Variants in GALNTL6 observed in about 807,000 individuals in gnomAD.
The protein encoded by GALNTL6 is polypeptide N-acetylgalactosaminyltransferase like 6, also known as polypeptide N-acetylgalactosaminyltransferase-like 6.
GALNTL6 carries 46 observed loss-of-function variants against 73.7 expected under a neutral mutation model. The observed-to-expected ratio is 0.62, with a 90% CI of 0.49 to 0.80. The LOEUF (loss-of-function observed/expected upper bound fraction) is 0.80, where lower values mean the gene tolerates loss of function less well. GALNTL6 is among the 30% of genes least tolerant of loss of function. GALNTL6 has a pLI of 0.00. For synonymous variants in GALNTL6, 259 were observed against 263.7 expected, an observed-to-expected ratio of 0.98 and a Z score of 0.17; for missense variants, 604 against 755.0, an observed-to-expected ratio of 0.80 and a Z score of 2.34.
At position 172,638,242 on chromosome 4, in the gene GALNTL6, A is replaced by G. The variant is rs115987873; in HGVS notation, c.554-171119A>G. Among the ~76,000 whole-genome samples the G allele has an allele frequency of 3.3e-3, 499 of 152,274 alleles. 3 individuals are homozygous for G. The highest frequency in any genetic ancestry group is 0.011 in the African/African-American group (475 of 41,556). On this transcript the variant is annotated intron_variant, in intron 5 of 12. Transcript: ENST00000506823. Reference sequence around the variant, plus strand: ...TATGGCCTCTCTCCATTGCTGTCCAACAAGGAGACAAGTATTGCAGACAAG... The same window carrying G: ...TATGGCCTCTCTCCATTGCTGTCCAGCAAGGAGACAAGTATTGCAGACAAG...
intron 3 of GALNTL6, among the ~76,000 whole-genome samples, chr4:172,289,055 C>T (rs17058235): frequency 0.22 from 33,230 of 151,592 alleles, 4,643 homozygotes; most frequent in African/African-American, 0.4. Context: ...ATATTTGAAT[C>T]GTCTTATTTG....
chr4:171,907,803 A>G (rs1578960959), intron 2 of GALNTL6, among the ~76,000 whole-genome samples: 2 of 151,858 alleles, frequency 1.3e-5, no homozygotes, highest in East Asian at 3.9e-4. Context: ...AGAGATATAG[A>G]TCAATGGAAC....
intron 5 of GALNTL6, among the ~76,000 whole-genome samples, chr4:172,398,328 T>G (rs1030855144): frequency 6.6e-6 from 1 of 152,194 alleles, no homozygotes; most frequent in Non-Finnish European, 1.5e-5. Context: ...TAAGAAGATA[T>G]GAGGGCTACT....
chr4:172,458,530 A>G (rs1254595274), intron 5 of GALNTL6, among the ~76,000 whole-genome samples: 2 of 152,102 alleles, frequency 1.3e-5, no homozygotes, highest in Non-Finnish European at 2.9e-5. Flanking sequence ...TAAAAATGAT[A>G]AAGGGGATAT....
At chr4:172,724,090 A>AGTGTG (rs1735655689) in intron 5 of GALNTL6, among the ~76,000 whole-genome samples, 3 of 152,168 alleles carry the variant, frequency 2.0e-5, no homozygotes, top group Non-Finnish European at 4.4e-5. Flanking sequence ...ATGTGGGAGC[A>AGTGTG]GTGTGATATC....
rs1161493738 is a variant in GALNTL6 at position 173,009,198 on chromosome 4, T to C, written c.1392T>C (p.Asn464=). ...CACAGATCCGAAATGTGGCAGCAAA[T>C]CTCTGTGTGGACAGCAAGCATGGAG... ...AWGEIRNVAA[N]LCVDSKHGAT... The change falls in exon 11 of 13, where the codon AAT becomes AAC. Residue 464 remains asparagine (N), a synonymous_variant. Coordinates refer to ENST00000506823, the MANE Select transcript of GALNTL6 (RefSeq NM_001034845.3). 1 of 1,613,678 alleles carries C rather than the reference T, an allele frequency of 6.2e-7. No homozygotes were observed. Among genetic ancestry groups the C allele is most frequent in the East Asian group, 2.2e-5 (1 of 44,872 alleles).
chr4:172,313,417 C>G (rs945796004), intron 4 of GALNTL6, among the ~76,000 whole-genome samples: 1 of 152,102 alleles, frequency 6.6e-6, no homozygotes. Context: ...CCACCGTGCC[C>G]GGTCCCCACC....
intron 5 of GALNTL6, among the ~76,000 whole-genome samples, chr4:172,593,519 C>T (rs1157374598): frequency 3.3e-5 from 5 of 152,050 alleles, no homozygotes; most frequent in African/African-American, 4.8e-5. Context: ...ATTTCTTCAC[C>T]GACCACTCTA....
intron 5 of GALNTL6, among the ~76,000 whole-genome samples, chr4:172,453,643 C>A (rs535934021): frequency 3.9e-4 from 59 of 152,220 alleles, no homozygotes; most frequent in Non-Finnish European, 7.5e-4. Context: ...TTGTCATGAG[C>A]TGTACAAAAG....
At chr4:171,960,961 T>G (rs1242567716) in intron 2 of GALNTL6, among the ~76,000 whole-genome samples, 1 of 152,046 alleles carries the variant, frequency 6.6e-6, no homozygotes, top group Non-Finnish European at 1.5e-5. Flanking sequence ...TATTCTTTCT[T>G]AATAAACTTG....
intron 5 of GALNTL6, among the ~76,000 whole-genome samples, chr4:172,712,931 A>G (rs1340480391): frequency 6.6e-6 from 1 of 152,188 alleles, no homozygotes; most frequent in Non-Finnish European, 1.5e-5. Flanking sequence ...GACCTTGAGC[A>G]GATTATATAA....
intron 4 of GALNTL6, among the ~76,000 whole-genome samples, chr4:172,342,666 A>C (rs1482327334): frequency 6.6e-6 from 1 of 152,098 alleles, no homozygotes; most frequent in Non-Finnish European, 1.5e-5. Flanking sequence ...AAGAAATTGA[A>C]TCTCTTTCAT....
chr4:172,809,310 C>A lies in GALNTL6; in HGVS notation c.554-51C>A, dbSNP rs1181434866. The A allele has an allele frequency of 7.0e-7, 1 of 1,424,720 alleles. No individual in the cohort carries two copies. 88.3% of individuals were successfully genotyped at this position (1,424,720 alleles called of 1,614,324 possible). On this transcript the variant is annotated intron_variant, in intron 5 of 12. Coordinates refer to ENST00000506823, the MANE Select transcript of GALNTL6 (RefSeq NM_001034845.3). The surrounding 1 kb of genome is among the most constrained non-coding windows in gnomAD (Gnocchi z 4.4). ...GCACAAACAACCGTGAATAATTCAG[C>A]TGCAACTAATGTTTTGCGTTTTTTC...
chr4:172,861,931 T>C (rs1237770423), intron 7 of GALNTL6, among the ~76,000 whole-genome samples: 1 of 152,190 alleles, frequency 6.6e-6, no homozygotes, highest in Non-Finnish European at 1.5e-5. Context: ...ATTAGCAGTG[T>C]GAGAACAGAC....
intron 2 of GALNTL6, among the ~76,000 whole-genome samples, chr4:171,910,764 AT>A (rs1394542836): frequency 6.6e-6 from 1 of 152,120 alleles, no homozygotes; most frequent in Non-Finnish European, 1.5e-5. Flanking sequence ...TCAAAGTAAC[AT>A]TTAGATAATA....
intron 2 of GALNTL6, among the ~76,000 whole-genome samples, chr4:171,871,310 A>G (rs947717925): frequency 1.3e-5 from 2 of 152,202 alleles, no homozygotes; most frequent in Non-Finnish European, 2.9e-5. Context: ...CTACTAATAG[A>G]ACAATTAAAA....
chr4:171,895,369 C>T (rs1040440552), intron 2 of GALNTL6, among the ~76,000 whole-genome samples: 17 of 152,114 alleles, frequency 1.1e-4, no homozygotes, highest in African/African-American at 4.1e-4. Flanking sequence ...GTCATGGCAA[C>T]TCTGTTTTCT....
chr4:173,034,316 T>G (rs1753594411), intron 12 of GALNTL6, among the ~76,000 whole-genome samples: 1 of 152,186 alleles, frequency 6.6e-6, no homozygotes, highest in South Asian at 2.1e-4. Flanking sequence ...ACCCTGTGAC[T>G]CTTGTTCAAA....
chr4:172,782,586 T>C (rs1480692699), intron 5 of GALNTL6, among the ~76,000 whole-genome samples: 1 of 152,118 alleles, frequency 6.6e-6, no homozygotes, highest in African/African-American at 2.4e-5. Flanking sequence ...GTCTGTTGAA[T>C]CTATCTCCCC....
Sources: allele counts gnomAD v4.1 joint callset (sites outside exome capture counted in the v4.1 genomes callset), GRCh38; gene constraint gnomAD v4.1.1; non-coding constraint Gnocchi (gnomAD v3.1); transcripts MANE v1.5; gene names NCBI Gene and HGNC (gene_info 2026-07-23, HGNC 2026-07-21).